DYNC1I1: variants seen among roughly 807,000 people sequenced by gnomAD.
DYNC1I1 encodes the protein cytoplasmic dynein 1 intermediate chain 1.
Under a neutral mutation model 86.6 loss-of-function variants are expected in DYNC1I1, and 43 were observed. That is an observed-to-expected ratio of 0.50 (90% CI 0.39 to 0.64). The LOEUF (loss-of-function observed/expected upper bound fraction) is 0.64. Among genes scored for constraint, DYNC1I1 ranks in the 30% least tolerant of loss-of-function variants. The pLI is 0.00. For missense variants in DYNC1I1, 604 were observed against 788.8 expected (o/e 0.77, Z 2.81); for synonymous variants, 262 against 283.7 (o/e 0.92, Z 0.77).
chr7:96,053,020 C>G (rs1314076072), intron 14 of DYNC1I1, among the ~76,000 whole-genome samples: 1 of 152,138 alleles, frequency 6.6e-6, no homozygotes, highest in Admixed American at 6.5e-5. Flanking sequence ...AGAGTAACCC[C>G]TGGATACATC....
intron 6 of DYNC1I1, among the ~76,000 whole-genome samples, chr7:95,944,574 T>C (rs559690992): frequency 5.8e-4 from 88 of 152,214 alleles, no homozygotes; most frequent in African/African-American, 2.0e-3. Flanking sequence ...CACATGCACA[T>C]GTATGTTTAT....
At chr7:95,814,707 T>C (rs1794909080) in intron 4 of DYNC1I1, among the ~76,000 whole-genome samples, 2 of 152,154 alleles carry the variant, frequency 1.3e-5, no homozygotes, top group African/African-American at 4.8e-5. Context: ...ATGTTACCTA[T>C]TTCTGCCTGT....
intron 1 of DYNC1I1, chr7:95,804,382 T>C: frequency 7.8e-7 from 1 of 1,275,476 alleles, no homozygotes; most frequent in Admixed American, 2.5e-5. Context: ...ATGGTTCTTT[T>C]TTGATTCTCT....
At position 95,996,086 on chromosome 7, in the gene DYNC1I1, G is replaced by T. The variant is rs894957655; in HGVS notation, c.969+13G>T. The T allele has an allele frequency of 3.7e-6, 6 of 1,613,974 alleles. No individual in the cohort carries two copies. The highest frequency in any genetic ancestry group is 1.7e-5 in the Admixed American group (1 of 60,008). ...CTTCCACTGTCAGGTAGGAGTCAGC[G>T]TAGTAAAAATAACTTACATCTCCTG... On this transcript the variant is annotated intron_variant, in intron 10 of 16. Coordinates refer to ENST00000447467, the MANE Select transcript of DYNC1I1 (RefSeq NM_001135556.2).
chr7:95,869,240 G>C (rs1790097024), intron 5 of DYNC1I1, among the ~76,000 whole-genome samples: 1 of 152,064 alleles, frequency 6.6e-6, no homozygotes, highest in Non-Finnish European at 1.5e-5. Context: ...ATTCAGAAAT[G>C]GTTTCTTACA....
intron 14 of DYNC1I1, among the ~76,000 whole-genome samples, chr7:96,041,786 CAAAA>C (rs1282777104): frequency 6.6e-6 from 1 of 151,290 alleles, no homozygotes; most frequent in Non-Finnish European, 1.5e-5. Flanking sequence ...AAAGGATAAA[CAAAA>C]AAGTTACTTA....
At chr7:95,811,930 A>G (rs1794839986) in intron 3 of DYNC1I1, among the ~76,000 whole-genome samples, 1 of 152,166 alleles carries the variant, frequency 6.6e-6, no homozygotes, top group Non-Finnish European at 1.5e-5. Flanking sequence ...CCTACCCTAC[A>G]TAAAGCCAGT....
chr7:96,064,499 C>T (rs150757698), intron 14 of DYNC1I1, among the ~76,000 whole-genome samples: 25 of 152,182 alleles, frequency 1.6e-4, no homozygotes, highest in African/African-American at 5.1e-4. Context: ...GATCTTTTCC[C>T]GTGGTGTTCA....
intron 11 of DYNC1I1, among the ~76,000 whole-genome samples, chr7:96,029,658 C>G (rs545777356): frequency 6.6e-6 from 1 of 152,222 alleles, no homozygotes; most frequent in Admixed American, 6.5e-5. Flanking sequence ...GCTCACACCT[C>G]TAATGCCAGC....
intron 4 of DYNC1I1, among the ~76,000 whole-genome samples, chr7:95,821,744 G>A (rs776157414): frequency 3.4e-4 from 51 of 152,132 alleles, no homozygotes; most frequent in African/African-American, 1.2e-3. Flanking sequence ...GAGGTCCTGG[G>A]AGCAAAACTA....
At chr7:96,024,819 A>G (rs1210420558) in intron 10 of DYNC1I1, among the ~76,000 whole-genome samples, 3 of 152,170 alleles carry the variant, frequency 2.0e-5, no homozygotes, top group Admixed American at 6.5e-5. Flanking sequence ...GAGGTAATTG[A>G]CAGGATGATA....
intron 6 of DYNC1I1, among the ~76,000 whole-genome samples, chr7:95,891,449 C>T (rs1790736179): frequency 6.6e-6 from 1 of 152,182 alleles, no homozygotes; most frequent in Admixed American, 6.5e-5. Flanking sequence ...ACCTCTGCTT[C>T]ATGTCCACTT....
At chr7:95,984,021 G>GA (rs1190953169) in intron 7 of DYNC1I1, among the ~76,000 whole-genome samples, 1 of 152,136 alleles carries the variant, frequency 6.6e-6, no homozygotes, top group Non-Finnish European at 1.5e-5. Context: ...ACTCTCAATT[G>GA]AAGGAATGGT....
chr7:95,809,280 G>T (rs1794773508), intron 2 of DYNC1I1, among the ~76,000 whole-genome samples: 1 of 152,122 alleles, frequency 6.6e-6, no homozygotes, highest in Non-Finnish European at 1.5e-5. Flanking sequence ...AACTCTTTCT[G>T]CTTATAGATA....
At chr7:96,093,306 A>T (rs76911289) in intron 16 of DYNC1I1, among the ~76,000 whole-genome samples, 1 of 152,160 alleles carries the variant, frequency 6.6e-6, no homozygotes, top group Non-Finnish European at 1.5e-5. Context: ...TTATTTTACA[A>T]TTGAGGCAGT....
intron 6 of DYNC1I1, among the ~76,000 whole-genome samples, chr7:95,899,257 A>G (rs1428927889): frequency 6.6e-6 from 1 of 152,214 alleles, no homozygotes; most frequent in African/African-American, 2.4e-5. Flanking sequence ...ACATCTGGAG[A>G]CAGAGCTTCC....
chr7:96,110,043 C>T (rs1480962578), exon 17 of DYNC1I1: 4 of 434,450 alleles, frequency 9.2e-6, no homozygotes, highest in South Asian at 1.6e-5. Context: ...CTATGTTGGC[C>T]TCCCAAAGTG....
intron 14 of DYNC1I1, among the ~76,000 whole-genome samples, chr7:96,063,809 A>G (rs927153897): frequency 3.3e-5 from 5 of 152,322 alleles, no homozygotes; most frequent in African/African-American, 1.2e-4. Flanking sequence ...AGCTAAAGAT[A>G]TTTCATTATC....
At chr7:96,067,905 T>C (rs1366589968) in intron 14 of DYNC1I1, among the ~76,000 whole-genome samples, 4 of 152,080 alleles carry the variant, frequency 2.6e-5, no homozygotes, top group Admixed American at 6.5e-5. Flanking sequence ...AGAGAGAGAA[T>C]GAGAGTAACA....
Sources: gnomAD v4.1 joint callset for allele counts (sites outside exome capture counted in the v4.1 genomes callset) on GRCh38, gnomAD v4.1.1 for gene constraint, MANE v1.5 for transcripts, NCBI Gene and HGNC (gene_info 2026-07-23, HGNC 2026-07-21) for gene names.